RBPJ: variants seen among roughly 807,000 people sequenced by gnomAD.
The protein encoded by RBPJ is recombining binding protein suppressor of hairless.
Under a neutral mutation model 67.8 loss-of-function variants are expected in RBPJ, and 9 were observed. The ratio of observed to expected loss-of-function variants is 0.13; its 90% confidence interval spans 0.08 to 0.23. The LOEUF (loss-of-function observed/expected upper bound fraction) is 0.23. Ranked by LOEUF, RBPJ falls within the 10% of genes least tolerant of loss-of-function variation. The probability of loss-of-function intolerance (pLI) is 1.00; values close to 1 mark genes in which losing one functional copy is unlikely to be tolerated. For missense variants in RBPJ, 305 were observed against 595.6 expected, an observed-to-expected ratio of 0.51 and a Z score of 5.08; for synonymous variants, 198 against 203.3, an observed-to-expected ratio of 0.97 and a Z score of 0.22.
chr4:26,421,408 T>C (rs1226436976), intron 5 of RBPJ, among the ~76,000 whole-genome samples: 1 of 151,704 alleles, frequency 6.6e-6, no homozygotes, highest in Non-Finnish European at 1.5e-5. Context: ...GTTCAACCAA[T>C]CCTCCCTGCC....
At chr4:26,368,484 T>C (rs1466270540) in intron 1 of RBPJ, among the ~76,000 whole-genome samples, 1 of 152,200 alleles carries the variant, frequency 6.6e-6, no homozygotes, top group East Asian at 1.9e-4. Flanking sequence ...AGGTTTTGTG[T>C]TGTCTCTCTG....
chr4:26,320,704 C>A, upstream of RBPJ: 1 of 1,536,760 alleles, frequency 6.5e-7, no homozygotes, highest in Non-Finnish European at 8.8e-7. Context: ...CCTCAGTCTC[C>A]ACGTACGTCC....
chr4:26,338,813 TC>T (rs1298942960), intron 1 of RBPJ, among the ~76,000 whole-genome samples: 2 of 151,720 alleles, frequency 1.3e-5, no homozygotes, highest in African/African-American at 4.8e-5. Flanking sequence ...GACCTCGTGA[TC>T]CACCTGCCTC....
chr4:26,320,995 C>G (rs758260595), upstream of RBPJ: 4 of 1,613,460 alleles, frequency 2.5e-6, no homozygotes, highest in Non-Finnish European at 3.4e-6. Flanking sequence ...GGGAATCTCG[C>G]GAGGGTTGGA....
intron 1 of RBPJ, among the ~76,000 whole-genome samples, chr4:26,311,462 C>T (rs1195677029): frequency 6.6e-6 from 1 of 151,874 alleles, no homozygotes; most frequent in African/African-American, 2.4e-5. Context: ...TTGCTTGAAC[C>T]CAGGAGGTGG....
At chr4:26,388,011 C>T (rs1731095323) in intron 2 of RBPJ, among the ~76,000 whole-genome samples, 1 of 152,080 alleles carries the variant, frequency 6.6e-6, no homozygotes, top group Non-Finnish European at 1.5e-5. Flanking sequence ...AGAAAAATAT[C>T]CAGCACTCCC....
intron 1 of RBPJ, among the ~76,000 whole-genome samples, chr4:26,331,551 T>C (rs1256745899): frequency 1.3e-5 from 2 of 152,142 alleles, no homozygotes; most frequent in Non-Finnish European, 2.9e-5. Context: ...CGGCGGCCAG[T>C]GTTGCTTCAT....
At chr4:26,383,944 C>T (rs1448807132) in intron 1 of RBPJ, 2 of 152,210 alleles carry the variant, frequency 1.3e-5, no homozygotes, top group African/African-American at 2.4e-5. Flanking sequence ...ACTGCAGCCT[C>T]GACTTCCTGG....
intron 1 of RBPJ, among the ~76,000 whole-genome samples, chr4:26,279,950 G>A (rs141901718): frequency 2.4e-4 from 37 of 151,802 alleles, no homozygotes; most frequent in Middle Eastern, 3.4e-3. Context: ...ATGACAACTG[G>A]CTAATTTTTG....
At chr4:26,212,841 A>G (rs1174784179) in intron 1 of RBPJ, among the ~76,000 whole-genome samples, 1 of 152,020 alleles carries the variant, frequency 6.6e-6, no homozygotes, top group Non-Finnish European at 1.5e-5. Flanking sequence ...TCCATCCTTC[A>G]TGTCCACTCA....
the RBPJ span, among the ~76,000 whole-genome samples, chr4:26,127,472 G>A: frequency 6.6e-6 from 1 of 152,128 alleles, no homozygotes; most frequent in Non-Finnish European, 1.5e-5. Flanking sequence ...AGGGTCTGTG[G>A]GCAGAGCTGG....
At chr4:26,190,348 A>G (rs1329383626) in intron 1 of RBPJ, among the ~76,000 whole-genome samples, 1 of 152,204 alleles carries the variant, frequency 6.6e-6, no homozygotes, top group Non-Finnish European at 1.5e-5. Flanking sequence ...GGGAAACATA[A>G]GAGGGGGAAA....
chr4:26,226,908 T>C (rs958938210), intron 1 of RBPJ, among the ~76,000 whole-genome samples: 1 of 152,050 alleles, frequency 6.6e-6, no homozygotes, highest in Non-Finnish European at 1.5e-5. Context: ...TCCTTGGTAA[T>C]GGGGAAGGCA....
chr4:26,169,178 T>G (rs1333140876), intron 1 of RBPJ, among the ~76,000 whole-genome samples: 1 of 152,150 alleles, frequency 6.6e-6, no homozygotes, highest in African/African-American at 2.4e-5. Context: ...TTTTCTGCTC[T>G]GTTTTTTCCC....
rs1309297185 is a variant in RBPJ at position 26,388,602 on chromosome 4, ACACT to A, written c.59+2213_59+2216del. On this transcript the variant is annotated intron_variant, in intron 2 of 10. Coordinates refer to ENST00000355476, the MANE Select transcript of RBPJ (RefSeq NM_015874.6). ...AATAGAGACATAGAAGATTACACAC[ACACT>A]CTCTCTCTCTCTCTCTCTCTCAAAT... Among the ~76,000 whole-genome samples, 9 of 111,378 alleles carry A rather than the reference ACACT, an allele frequency of 8.1e-5. No homozygotes were observed. The East Asian group carries it at 1.1e-3, about 13-fold the overall frequency. The allele number at this position is 111,378 out of a possible 152,430, so 73.1% of individuals were successfully genotyped here.
intron 1 of RBPJ, among the ~76,000 whole-genome samples, chr4:26,262,932 T>A (rs900939024): frequency 6.6e-6 from 1 of 152,238 alleles, no homozygotes; most frequent in Non-Finnish European, 1.5e-5. Context: ...ACCATTCATT[T>A]ATGTTTCAGC....
chr4:26,271,260 A>G (rs1560238398), intron 1 of RBPJ, among the ~76,000 whole-genome samples: 1 of 152,184 alleles, frequency 6.6e-6, no homozygotes, highest in Non-Finnish European at 1.5e-5. Flanking sequence ...ACATCAGACT[A>G]TAAGGTTTGG....
At chr4:26,284,845 A>T (rs1721408154) in intron 1 of RBPJ, among the ~76,000 whole-genome samples, 1 of 150,738 alleles carries the variant, frequency 6.6e-6, no homozygotes, top group African/African-American at 2.4e-5. Context: ...TCCCCAGAAC[A>T]GGTTAAACTT....
chr4:26,137,141 G>A, the RBPJ span, among the ~76,000 whole-genome samples: 1 of 152,180 alleles, frequency 6.6e-6, no homozygotes, highest in African/African-American at 2.4e-5. Context: ...GGTGGTGAAG[G>A]GAATGCCTGT....
Sources: gnomAD v4.1 joint callset for allele counts (sites outside exome capture counted in the v4.1 genomes callset) on GRCh38, gnomAD v4.1.1 for gene constraint, MANE v1.5 for transcripts, NCBI Gene and HGNC (gene_info 2026-07-23, HGNC 2026-07-21) for gene names.